Variants in NTM observed in about 807,000 individuals in gnomAD.
NTM encodes IgLON family member 2.
In NTM, 13 loss-of-function variants were observed where a neutral mutation model predicts 42.1. The observed-to-expected ratio is 0.31, with a 90% CI of 0.20 to 0.49. The LOEUF (loss-of-function observed/expected upper bound fraction) is 0.49, where lower values mean the gene tolerates loss of function less well. Among genes scored for constraint, NTM ranks in the 20% least tolerant of loss-of-function variants. The probability of loss-of-function intolerance (pLI) is 0.99; values close to 1 mark genes in which losing one functional copy is unlikely to be tolerated. For missense variants in NTM, 373 were observed against 452.8 expected (o/e 0.82, Z 1.60); for synonymous variants, 187 against 179.2 (o/e 1.04, Z -0.35).
intron 1 of NTM, among the ~76,000 whole-genome samples, chr11:131,456,884 T>C (rs144549611): frequency 1.3e-5 from 2 of 152,196 alleles, no homozygotes; most frequent in African/African-American, 2.4e-5. Context: ...CCTATCTCTA[T>C]GATTTTCATG....
At chr11:131,416,125 G>T (rs1042998444) in intron 1 of NTM, among the ~76,000 whole-genome samples, 3 of 151,530 alleles carry the variant, frequency 2.0e-5, no homozygotes, top group Non-Finnish European at 4.4e-5. Flanking sequence ...ATTCAACTGG[G>T]TATCCTGTAT....
intron 2 of NTM, among the ~76,000 whole-genome samples, chr11:131,998,509 CA>C (rs1409084338): frequency 6.6e-6 from 1 of 152,174 alleles, no homozygotes; most frequent in African/African-American, 2.4e-5. Flanking sequence ...AGTACTTAAC[CA>C]GCTGTTTTTA....
chr11:131,538,921 C>CTTTTTTTTTTTTTTTTTT (rs58463755), intron 1 of NTM, among the ~76,000 whole-genome samples: 54 of 102,386 alleles, frequency 5.3e-4, no homozygotes, highest in Non-Finnish European at 7.1e-4. Flanking sequence ...GTTAACTTAG[C>CTTTTTTTTTTTTTTTTTT]TTTTTTTTTT....
At chr11:131,985,645 C>G (rs889194403) in intron 2 of NTM, among the ~76,000 whole-genome samples, 1 of 152,066 alleles carries the variant, frequency 6.6e-6, no homozygotes, top group South Asian at 2.1e-4. Context: ...GAGCACGCGG[C>G]GTCATAGGAA....
At chr11:131,722,244 C>A (rs148906712) in intron 1 of NTM, among the ~76,000 whole-genome samples, 2 of 152,050 alleles carry the variant, frequency 1.3e-5, no homozygotes, top group African/African-American at 4.8e-5. Flanking sequence ...TCAAAGGTTC[C>A]GGACCTGTAA....
chr11:131,456,684 C>A (rs753257591), intron 1 of NTM, among the ~76,000 whole-genome samples: 3 of 152,160 alleles, frequency 2.0e-5, no homozygotes, highest in Admixed American at 6.5e-5. Flanking sequence ...AGCCAAAGAA[C>A]CTCCTTGCCG....
At chr11:132,298,987 TAATA>T (rs1266169826) in intron 4 of NTM, among the ~76,000 whole-genome samples, 3 of 152,170 alleles carry the variant, frequency 2.0e-5, no homozygotes, top group Admixed American at 6.5e-5. Context: ...AAAATCTGGT[TAATA>T]AATTAATTTA....
chr11:132,134,990 A>T (rs2067608795), intron 2 of NTM, among the ~76,000 whole-genome samples: 1 of 151,578 alleles, frequency 6.6e-6, no homozygotes, highest in Admixed American at 6.6e-5. Context: ...TTATTTTATT[A>T]TATCCTTTAT....
intron 1 of NTM, among the ~76,000 whole-genome samples, chr11:131,521,091 GA>G (rs1347698056): frequency 6.6e-6 from 1 of 151,998 alleles, no homozygotes; most frequent in Non-Finnish European, 1.5e-5. Flanking sequence ...TTGGGAGGCT[GA>G]GGTGGGTGGA....
intron 1 of NTM, among the ~76,000 whole-genome samples, chr11:131,648,838 A>G (rs1325012825): frequency 6.6e-6 from 1 of 152,202 alleles, no homozygotes; most frequent in African/African-American, 2.4e-5. Context: ...TCTATCATAT[A>G]TTGCATATTT....
chr11:131,718,547 C>T lies in NTM; in HGVS notation c.83-193017C>T, dbSNP rs192056869. Among the ~76,000 whole-genome samples the T allele has an allele frequency of 1.4e-3, 206 of 152,294 alleles. 1 individual carries two copies. The highest frequency in any genetic ancestry group is 2.3e-3 in the Non-Finnish European group (156 of 68,024). On this transcript the variant is annotated intron_variant, in intron 1 of 8. Coordinates refer to ENST00000683400, the MANE Select transcript of NTM (RefSeq NM_001352005.2). ...GTCTGGTAGGAACAGGCAAGCATCCCTGGCCCCGTGTGAGTGCTGGGCACT... is the reference window on the plus strand; with the variant it reads ...GTCTGGTAGGAACAGGCAAGCATCCTTGGCCCCGTGTGAGTGCTGGGCACT...
chr11:131,936,501 G>T (rs1388512954), intron 2 of NTM, among the ~76,000 whole-genome samples: 2 of 152,168 alleles, frequency 1.3e-5, no homozygotes, highest in African/African-American at 4.8e-5. Context: ...AGGAGGGTGG[G>T]TAGGAGGTGA....
intron 2 of NTM, among the ~76,000 whole-genome samples, chr11:132,012,978 G>T (rs1225567734): frequency 6.6e-6 from 1 of 152,092 alleles, no homozygotes; most frequent in East Asian, 1.9e-4. Flanking sequence ...GTTAATTTTG[G>T]ACTTACTGTG....
intron 1 of NTM, among the ~76,000 whole-genome samples, chr11:131,585,613 G>A (rs1464022873): frequency 6.6e-6 from 1 of 152,198 alleles, no homozygotes; most frequent in Non-Finnish European, 1.5e-5. Flanking sequence ...AATCACTGAT[G>A]CCCAGAGTCG....
rs534070646 is a variant in NTM at position 131,778,096 on chromosome 11, C to T, written c.83-133468C>T. ...CACAGCTCAGAAGTTTAACCCCACT[C>T]AATACATAGGATGAAAAGGTAAACC... On this transcript the variant is annotated intron_variant, in intron 1 of 8. Transcript: ENST00000683400. Among the ~76,000 whole-genome samples the T allele has an allele frequency of 6.4e-4, 98 of 152,336 alleles. 1 individual carries two copies. Among genetic ancestry groups the T allele is most frequent in the African/African-American group, 2.3e-3 (94 of 41,578 alleles).
intron 1 of NTM, among the ~76,000 whole-genome samples, chr11:131,418,835 T>C (rs1030584099): frequency 6.6e-6 from 1 of 152,212 alleles, no homozygotes; most frequent in Non-Finnish European, 1.5e-5. Context: ...GTATCATATG[T>C]ATGCAAAGTC....
chr11:131,559,337 G>GT (rs1479738395), intron 1 of NTM, among the ~76,000 whole-genome samples: 1 of 152,214 alleles, frequency 6.6e-6, no homozygotes, highest in Non-Finnish European at 1.5e-5. Context: ...ACGACTGCTG[G>GT]TATTTCAATC....
chr11:132,084,998 T>G (rs2059529661), intron 2 of NTM, among the ~76,000 whole-genome samples: 1 of 152,212 alleles, frequency 6.6e-6, no homozygotes, highest in Non-Finnish European at 1.5e-5. Context: ...ATTAGTGCCT[T>G]AAGAAAACCT....
chr11:131,660,720 G>A (rs2067916470), intron 1 of NTM: 1 of 466,860 alleles, frequency 2.1e-6, no homozygotes, highest in Non-Finnish European at 3.6e-6. Flanking sequence ...GGACGGAGGA[G>A]GCAAAGAAAC....
Sources: gnomAD v4.1 joint callset for allele counts (sites outside exome capture counted in the v4.1 genomes callset) on GRCh38, gnomAD v4.1.1 for gene constraint, MANE v1.5 for transcripts, NCBI Gene and HGNC (gene_info 2026-07-23, HGNC 2026-07-21) for gene names.